Variants in PIGB observed in about 807,000 individuals in gnomAD.
The protein encoded by PIGB is GPI alpha-1,2-mannosyltransferase 3.
A neutral mutation model predicts 68.4 loss-of-function variants in PIGB; 58 were observed. The ratio of observed to expected loss-of-function variants is 0.85; its 90% CI spans 0.69 to 1.06. PIGB has a LOEUF of 1.06. Among genes scored for constraint, PIGB ranks in the 50% least tolerant of loss-of-function variants. The pLI, the probability that PIGB is intolerant of heterozygous loss-of-function variation, is 0.00. For missense variants in PIGB, 634 were observed against 655.8 expected (o/e 0.97, Z 0.36); for synonymous variants, 219 against 220.5 (o/e 0.99, Z 0.06).
At chr15:55,336,275 G>C (rs2055534195) in intron 6 of PIGB, among the ~76,000 whole-genome samples, 1 of 152,126 alleles carries the variant, frequency 6.6e-6, no homozygotes, top group South Asian at 2.1e-4. Flanking sequence ...TGTGGTCCTA[G>C]CTACTTGGGA....
chr15:55,340,509 C>A, intron 7 of PIGB, 103 bp from the exon 8 acceptor site: 4 of 631,462 alleles, frequency 6.3e-6, no homozygotes, highest in South Asian at 2.3e-5. Context: ...GGTTTTTAGA[C>A]TTCAATTCTG....
intron 5 of PIGB, 74 bp from the exon 6 acceptor site, chr15:55,333,793 C>A (rs2055475639): frequency 2.7e-6 from 3 of 1,100,644 alleles, no homozygotes; most frequent in South Asian, 2.0e-5. Flanking sequence ...AGGAAAATGT[C>A]AAATCACAGT....
At position 55,319,408 on chromosome 15, in the gene PIGB, G is replaced by A; in HGVS notation, c.158G>A (p.Arg53His). ...ACCCAGGAGAAGAGCGCCAGGCGCCGCGGGGGTGAGTGAGGGGACACTGTC... is the reference window on the plus strand; with the variant it reads ...ACCCAGGAGAAGAGCGCCAGGCGCCACGGGGGTGAGTGAGGGGACACTGTC... ...FNTQEKSARR[R>H]GDLLGENIYL... The change falls in exon 1 of 12, where the codon CGC becomes CAC. Residue 53 changes from arginine to histidine, a missense_variant. Transcript: ENST00000164305. The A allele has an allele frequency of 6.4e-7, 1 of 1,551,728 alleles. No individual in the cohort carries two copies.
At chr15:55,339,133 T>C in intron 6 of PIGB, 134 bp from the exon 7 acceptor site, 1 of 662,780 alleles carries the variant, frequency 1.5e-6, no homozygotes, top group Non-Finnish European at 2.7e-6. Flanking sequence ...AATGTGTAAA[T>C]CTATATTCAG....
chr15:55,341,772 C>A lies in PIGB; in HGVS notation c.1093C>A (p.Pro365Thr). Residue 365 changes from proline to threonine, a missense_variant, in exon 9 of 12, where the codon CCA becomes ACA. Transcript: ENST00000164305. ...CCACAAAGAATTCAGGTTTATTTAT[C>A]CAGTTTTACCATTCTGTATGGTGTT... ...LSHKEFRFIY[P>T]VLPFCMVFCG... 1 of 1,461,044 alleles carries A rather than the reference C, an allele frequency of 6.8e-7. No homozygotes were observed. 90.5% of individuals were successfully genotyped at this position (1,461,044 alleles called of 1,614,324 possible). A position where few individuals can be genotyped will look rare whatever the true frequency, so the allele number is the denominator to read the frequency against.
At chr15:55,337,140 G>GCTA (rs1279706565) in intron 6 of PIGB, among the ~76,000 whole-genome samples, 6 of 150,118 alleles carry the variant, frequency 4.0e-5, no homozygotes, top group African/African-American at 1.3e-4. Flanking sequence ...CATTTCATTT[G>GCTA]TTATCAAGGA....
At chr15:55,331,672 G>A (rs568638676) in intron 5 of PIGB, among the ~76,000 whole-genome samples, 7 of 151,808 alleles carry the variant, frequency 4.6e-5, no homozygotes, top group Non-Finnish European at 1.0e-4. Context: ...GAGGTCACAC[G>A]ATTGCACTCC....
At chr15:55,351,232 C>G (rs555213667) in intron 10 of PIGB, among the ~76,000 whole-genome samples, 40 of 151,588 alleles carry the variant, frequency 2.6e-4, no homozygotes, top group African/African-American at 9.7e-4. Flanking sequence ...CTCAGCCTCC[C>G]GAGTAGCTGG....
At chr15:55,343,430 C>T (rs534278470) in intron 9 of PIGB, 1 of 152,260 alleles carries the variant, frequency 6.6e-6, no homozygotes, top group East Asian at 1.9e-4. Context: ...AGTACAAAGG[C>T]AAATGTTTTT....
At chr15:55,336,369 A>G (rs1029384289) in intron 6 of PIGB, among the ~76,000 whole-genome samples, 3 of 152,172 alleles carry the variant, frequency 2.0e-5, no homozygotes, top group Admixed American at 6.6e-5. Context: ...AGCCTGGGAA[A>G]CAGAGTGATA....
intron 5 of PIGB, among the ~76,000 whole-genome samples, chr15:55,333,069 C>T (rs1465100920): frequency 6.6e-6 from 1 of 152,080 alleles, no homozygotes; most frequent in African/African-American, 2.4e-5. Flanking sequence ...TTTCTTATAG[C>T]TCCTTAGGAG....
intron 7 of PIGB, chr15:55,340,322 A>G (rs2444038): frequency 0.33 from 56,610 of 172,050 alleles, 11,146 homozygotes; most frequent in East Asian, 0.55. Flanking sequence ...CGGGCGTGGT[A>G]GCGGGCGCCT....
At chr15:55,337,447 T>G (rs2055562994) in intron 6 of PIGB, among the ~76,000 whole-genome samples, 1 of 152,214 alleles carries the variant, frequency 6.6e-6, no homozygotes, top group African/African-American at 2.4e-5. Context: ...TCCTGTCACA[T>G]TCTTACAGAA....
intron 3 of PIGB, among the ~76,000 whole-genome samples, chr15:55,326,695 T>C (rs762904900): frequency 4.0e-5 from 6 of 151,546 alleles, no homozygotes; most frequent in Non-Finnish European, 8.8e-5. Context: ...TGAAACCCCG[T>C]CTCTACTAAA....
intron 9 of PIGB, among the ~76,000 whole-genome samples, chr15:55,346,968 A>G (rs1410484211): frequency 6.6e-6 from 1 of 152,200 alleles, no homozygotes; most frequent in Non-Finnish European, 1.5e-5. Context: ...TCAGTGCCAG[A>G]AGGTTTAAAA....
intron 8 of PIGB, among the ~76,000 whole-genome samples, chr15:55,341,063 T>TAAA (rs11353654): frequency 6.9e-5 from 10 of 144,912 alleles, no homozygotes; most frequent in African/African-American, 2.3e-4. Flanking sequence ...TTATTTGCTT[T>TAAA]AAAAAAAAAA....
chr15:55,320,249 A>G (rs767129753), intron 1 of PIGB, 26 bp from the exon 2 acceptor site: 1 of 1,604,564 alleles, frequency 6.2e-7, no homozygotes, highest in South Asian at 1.1e-5. Context: ...TTGTGCCACT[A>G]TTACCTGTTT....
At chr15:55,352,557 CG>C (rs958874177) in intron 10 of PIGB, among the ~76,000 whole-genome samples, 6 of 152,064 alleles carry the variant, frequency 3.9e-5, no homozygotes, top group African/African-American at 1.4e-4. Context: ...GAGGCCGAGG[CG>C]GGCAGACTGC....
chr15:55,326,027 T>C (rs1382895761), intron 3 of PIGB, among the ~76,000 whole-genome samples: 1 of 151,144 alleles, frequency 6.6e-6, no homozygotes, highest in South Asian at 2.1e-4. Flanking sequence ...TGAAACCCCA[T>C]CTCTACTAAA....
Sources: gnomAD v4.1 joint callset for allele counts (sites outside exome capture counted in the v4.1 genomes callset) on GRCh38, gnomAD v4.1.1 for gene constraint, MANE v1.5 for transcripts, NCBI Gene and HGNC (gene_info 2026-07-23, HGNC 2026-07-21) for gene names.